PTDSS1: variants seen among roughly 807,000 people sequenced by gnomAD.
PTDSS1 encodes the protein PSS-1.
A neutral mutation model predicts 70.5 loss-of-function variants in PTDSS1; 45 were observed. The observed-to-expected ratio is 0.64, with a 90% CI of 0.50 to 0.82. The LOEUF (loss-of-function observed/expected upper bound fraction) is 0.82, where lower values mean the gene tolerates loss of function less well. PTDSS1 is among the 40% of genes least tolerant of loss of function. The probability of loss-of-function intolerance (pLI) is 0.00; values close to 1 mark genes in which losing one functional copy is unlikely to be tolerated. For missense variants in PTDSS1, 417 were observed against 586.1 expected (o/e 0.71, Z 2.98); for synonymous variants, 188 against 203.8 (o/e 0.92, Z 0.66).
chr8:96,294,522 G>A (rs1001528455), intron 4 of PTDSS1, among the ~76,000 whole-genome samples: 4 of 152,060 alleles, frequency 2.6e-5, no homozygotes, highest in South Asian at 4.1e-4. Flanking sequence ...TGTAGTATCC[G>A]ATATATTTTT....
chr8:96,292,585 A>G (rs62516300), intron 4 of PTDSS1, among the ~76,000 whole-genome samples: 1 of 152,146 alleles, frequency 6.6e-6, no homozygotes, highest in Non-Finnish European at 1.5e-5. Context: ...GTGTTATTCT[A>G]AGTGTATGAA....
chr8:96,330,591 C>G lies in PTDSS1; in HGVS notation c.1242+310C>G. The G allele has an allele frequency of 7.1e-6, 3 of 423,910 alleles. No homozygotes were observed. In the Admixed American group the frequency reaches 1.1e-4, roughly 15 times the overall value. The allele number at this position is 423,910 out of a possible 1,614,324, so 26.3% of individuals were successfully genotyped here. On this transcript the variant is annotated intron_variant, in intron 11 of 12. Transcript: ENST00000517309. ...GACTGGCTTTTGGAAGCTGGGTTTT[C>G]TCCCCAGCTCTTGAACTGTGTGGAG...
intron 4 of PTDSS1, among the ~76,000 whole-genome samples, chr8:96,291,524 C>T (rs1244898036): frequency 3.3e-5 from 5 of 149,916 alleles, no homozygotes; most frequent in South Asian, 4.2e-4. Flanking sequence ...TTTCTGCAGT[C>T]GCTTCGTAAA....
rs984725515 is a variant in PTDSS1, at chr8:96,333,914, T to G, written c.*348T>G. Reference sequence around the variant, plus strand: ...CTGGATCGTGGATGCAGCGTAAACATCTTCCTTCAGACGAGGCATTAACCC... The same window carrying G: ...CTGGATCGTGGATGCAGCGTAAACAGCTTCCTTCAGACGAGGCATTAACCC... On this transcript the variant is annotated 3_prime_UTR_variant, in exon 13 of 13. Coordinates refer to ENST00000517309, the MANE Select transcript of PTDSS1 (RefSeq NM_014754.3). 11 of 588,730 alleles carry G rather than the reference T, an allele frequency of 1.9e-5. No homozygotes were observed. The highest frequency in any genetic ancestry group is 3.3e-5 in the Non-Finnish European group (11 of 329,800). 36.5% of individuals were successfully genotyped at this position (588,730 alleles called of 1,614,324 possible). A position where few individuals can be genotyped will look rare whatever the true frequency, so the allele number is the denominator to read the frequency against.
At position 96,265,584 on chromosome 8, in the gene PTDSS1, CAAACA is replaced by C. The variant is rs111419887; in HGVS notation, c.179+3399_179+3403del. ...CATGGTGTAACCCTATCTCTACAAA[CAAACA>C]AAACAAAACAAAACAAAACAAAACA... is the stretch of plus-strand genomic sequence containing the variant. On this transcript the variant is annotated intron_variant, in intron 1 of 12. Transcript: ENST00000517309. Among the ~76,000 whole-genome samples, 593 of 151,840 alleles carry C rather than the reference CAAACA, an allele frequency of 3.9e-3. 1 individual carries two copies. The highest frequency in any genetic ancestry group is 0.016 in the South Asian group (75 of 4,808).
At chr8:96,284,318 A>C (rs1810791152) in intron 3 of PTDSS1, among the ~76,000 whole-genome samples, 165 bp downstream of exon 3, 1 of 152,224 alleles carries the variant, frequency 6.6e-6, no homozygotes, top group Non-Finnish European at 1.5e-5. Context: ...TATTTGACAC[A>C]AAATAAAGTG....
At chr8:96,272,678 G>C (rs534577886) in intron 1 of PTDSS1, among the ~76,000 whole-genome samples, 1 of 152,290 alleles carries the variant, frequency 6.6e-6, no homozygotes, top group South Asian at 2.1e-4. Context: ...AAATGTGGTT[G>C]ATAATACTTC....
chr8:96,295,715 A>C (rs970016872), intron 5 of PTDSS1, among the ~76,000 whole-genome samples: 4 of 152,232 alleles, frequency 2.6e-5, no homozygotes, highest in Non-Finnish European at 5.9e-5. Flanking sequence ...AGTAATCAAA[A>C]GTTTGTTGCA....
chr8:96,314,149 A>G (rs1375272736), intron 9 of PTDSS1, among the ~76,000 whole-genome samples: 1 of 151,988 alleles, frequency 6.6e-6, no homozygotes, highest in Admixed American at 6.5e-5. Context: ...GACTCAAGCA[A>G]TCCTCCCACA....
At chr8:96,326,529 C>T (rs763353073) in intron 10 of PTDSS1, among the ~76,000 whole-genome samples, 7 of 152,230 alleles carry the variant, frequency 4.6e-5, no homozygotes, top group Admixed American at 1.3e-4. Context: ...CAAAAACTTG[C>T]GACATGCAGG....
chr8:96,318,154 G>A (rs1211641679), intron 9 of PTDSS1, among the ~76,000 whole-genome samples: 3 of 151,782 alleles, frequency 2.0e-5, no homozygotes, highest in Non-Finnish European at 2.9e-5. Flanking sequence ...GTGAAACCCC[G>A]CCTCTACTAA....
chr8:96,318,852 A>G (rs892678314), intron 9 of PTDSS1, among the ~76,000 whole-genome samples: 13 of 136,712 alleles, frequency 9.5e-5, no homozygotes, highest in Non-Finnish European at 1.2e-4. Flanking sequence ...AGTGACCACT[A>G]TGTCTGCCAG....
intron 4 of PTDSS1, among the ~76,000 whole-genome samples, chr8:96,293,123 A>G (rs1461981495): frequency 1.3e-5 from 2 of 152,220 alleles, no homozygotes; most frequent in Non-Finnish European, 2.9e-5. Context: ...TGATCTGATT[A>G]TGATTTTCAA....
chr8:96,330,329 G>T, intron 11 of PTDSS1, 48 bp downstream of exon 11: 2 of 1,551,058 alleles, frequency 1.3e-6, no homozygotes, highest in South Asian at 1.1e-5. Flanking sequence ...TAATCACCCC[G>T]GGCTCGGCAA....
chr8:96,275,827 G>A (rs1054914425), intron 2 of PTDSS1, among the ~76,000 whole-genome samples: 1 of 152,154 alleles, frequency 6.6e-6, no homozygotes, highest in African/African-American at 2.4e-5. Flanking sequence ...TCTGTATCCC[G>A]TGATCTGCTG....
intron 10 of PTDSS1, among the ~76,000 whole-genome samples, chr8:96,326,791 G>T (rs1391829454): frequency 1.3e-5 from 2 of 152,172 alleles, no homozygotes; most frequent in African/African-American, 4.8e-5. Flanking sequence ...AAGATGGGTT[G>T]GGGGGAAGAA....
intron 6 of PTDSS1, among the ~76,000 whole-genome samples, chr8:96,300,585 G>A (rs111771933): frequency 0.037 from 5,563 of 152,248 alleles, 345 homozygotes; most frequent in African/African-American, 0.13. Context: ...CACGAATCAT[G>A]CCATTGATAA....
rs984167973 is a variant in PTDSS1 at position 96,309,577 on chromosome 8, C to T, written c.1028C>T (p.Thr343Ile). ...TTCAGACAGTACTACGCTTACCTCA[C>T]CGACACACAGTGCAAGCGCGTAGGA... ...PTVRQYYAYLTDTQCKRVGTQ... is the reference protein window; with the variant it reads ...PTVRQYYAYLIDTQCKRVGTQ... Residue 343 changes from threonine (T) to isoleucine (I), a missense_variant, in exon 9 of 13, where the codon ACC becomes ATC. Physicochemically the swap from Thr to Ile is moderately conservative, Grantham distance 89. Transcript: ENST00000517309. The T allele has an allele frequency of 1.2e-6, 2 of 1,613,886 alleles. No individual in the cohort carries two copies. The highest frequency in any genetic ancestry group is 3.3e-5 in the Admixed American group (2 of 59,978).
chr8:96,317,931 G>A (rs948323832), intron 9 of PTDSS1, among the ~76,000 whole-genome samples: 15 of 151,414 alleles, frequency 9.9e-5, no homozygotes, highest in Admixed American at 6.6e-4. Flanking sequence ...ACACGCATGC[G>A]TATACTGGAT....
Sources: gnomAD v4.1 joint callset for allele counts (sites outside exome capture counted in the v4.1 genomes callset) on GRCh38, gnomAD v4.1.1 for gene constraint, MANE v1.5 for transcripts, NCBI Gene and HGNC (gene_info 2026-07-23, HGNC 2026-07-21) for gene names.